Variants in FOXP2 observed in about 807,000 individuals in gnomAD.
The protein encoded by FOXP2 is forkhead box protein P2.
In FOXP2, 12 loss-of-function variants were observed where a neutral mutation model predicts 115.8. The observed-to-expected ratio is 0.10, with a 90% CI of 0.07 to 0.17. The LOEUF (loss-of-function observed/expected upper bound fraction) is 0.17. Among genes scored for constraint, FOXP2 ranks in the 10% least tolerant of loss-of-function variants. The pLI, the probability that FOXP2 is intolerant of heterozygous loss-of-function variation, is 1.00. For missense variants in FOXP2, 629 were observed against 843.5 expected (o/e 0.75, Z 3.15); for synonymous variants, 328 against 297.7 (o/e 1.10, Z -1.05).
At chr7:114,480,255 C>T (rs1796465093) in intron 2 of FOXP2, among the ~76,000 whole-genome samples, 1 of 151,068 alleles carries the variant, frequency 6.6e-6, no homozygotes, top group Non-Finnish European at 1.5e-5. Context: ...TTCTTCTTTC[C>T]CCTGTCCCCC....
chr7:114,203,509 C>A (rs571104204), intron 1 of FOXP2, among the ~76,000 whole-genome samples: 2 of 151,554 alleles, frequency 1.3e-5, no homozygotes, highest in African/African-American at 4.8e-5. Flanking sequence ...ATTTTTTTTT[C>A]TTTTTTTCTA....
chr7:114,638,105 C>T (rs183442217), intron 6 of FOXP2, among the ~76,000 whole-genome samples: 1,948 of 152,004 alleles, frequency 0.013, 33 homozygotes, highest in South Asian at 0.068. Flanking sequence ...TTTAAGAAAA[C>T]GGATAAGGTT....
intron 1 of FOXP2, among the ~76,000 whole-genome samples, chr7:114,185,249 G>C: frequency 6.6e-6 from 1 of 151,736 alleles, no homozygotes. Context: ...TTCAGATCTG[G>C]GCCCTGGATT....
chr7:114,513,686 T>C (rs1479418816), intron 2 of FOXP2, among the ~76,000 whole-genome samples: 2 of 152,150 alleles, frequency 1.3e-5, no homozygotes, highest in African/African-American at 4.8e-5. Flanking sequence ...TTTCAGTATT[T>C]TTCATGTTCT....
chr7:114,298,317 T>G (rs184812112), intron 2 of FOXP2, among the ~76,000 whole-genome samples: 1 of 152,326 alleles, frequency 6.6e-6, no homozygotes, highest in East Asian at 1.9e-4. Context: ...GTCTTTATGC[T>G]TCATTCTCCT....
At chr7:114,116,105 C>T (rs1308596521) in intron 1 of FOXP2, among the ~76,000 whole-genome samples, 2 of 152,078 alleles carry the variant, frequency 1.3e-5, no homozygotes, top group East Asian at 3.9e-4. Flanking sequence ...CAGAGTAGCT[C>T]ATGTAAAACC....
At chr7:114,208,666 G>T (rs907976548) in intron 1 of FOXP2, among the ~76,000 whole-genome samples, 1 of 151,992 alleles carries the variant, frequency 6.6e-6, no homozygotes, top group Non-Finnish European at 1.5e-5. Context: ...GGGACCTGGT[G>T]GGAGGTAATT....
intron 1 of FOXP2, among the ~76,000 whole-genome samples, chr7:114,280,072 TCAGGC>T (rs1796288970): frequency 7.1e-6 from 1 of 140,762 alleles, no homozygotes; most frequent in Admixed American, 7.6e-5. Flanking sequence ...TACCAGACTC[TCAGGC>T]AAATAAATAA....
chr7:114,200,285 A>T (rs1794026165), intron 1 of FOXP2, among the ~76,000 whole-genome samples: 1 of 152,228 alleles, frequency 6.6e-6, no homozygotes, highest in Non-Finnish European at 1.5e-5. Flanking sequence ...AAGAATCCAG[A>T]TCAAGCTGTA....
intron 1 of FOXP2, among the ~76,000 whole-genome samples, chr7:114,222,706 T>A (rs1363013073): frequency 1.3e-5 from 2 of 152,234 alleles, no homozygotes; most frequent in African/African-American, 4.8e-5. Flanking sequence ...TGTTGCTTCA[T>A]GAGCGTATTT....
At chr7:114,183,000 A>G (rs896448258) in intron 1 of FOXP2, among the ~76,000 whole-genome samples, 2 of 152,166 alleles carry the variant, frequency 1.3e-5, no homozygotes, top group Admixed American at 6.6e-5. Flanking sequence ...AGGCTTTTGT[A>G]CAGTTCAAAG....
At chr7:114,295,310 G>C (rs1311995944) in intron 2 of FOXP2, among the ~76,000 whole-genome samples, 1 of 152,056 alleles carries the variant, frequency 6.6e-6, no homozygotes, top group Non-Finnish European at 1.5e-5. Context: ...CATTTTCATG[G>C]CATCTAACAG....
chr7:114,176,501 G>A (rs1627602), intron 1 of FOXP2, among the ~76,000 whole-genome samples: 3,234 of 151,278 alleles, frequency 0.021, 127 homozygotes, highest in African/African-American at 0.072. Flanking sequence ...CACCACGCCC[G>A]GCTAATTTTT....
chr7:114,383,322 A>G (rs1792355278), intron 2 of FOXP2, among the ~76,000 whole-genome samples: 1 of 152,064 alleles, frequency 6.6e-6, no homozygotes, highest in Non-Finnish European at 1.5e-5. Flanking sequence ...TCCTCCTCCC[A>G]CTGCTTGGAA....
chr7:114,260,381 A>C (rs1795719487), intron 1 of FOXP2, among the ~76,000 whole-genome samples: 1 of 152,168 alleles, frequency 6.6e-6, no homozygotes. Context: ...ATGCCAACTG[A>C]AAAATACAAA....
At chr7:114,257,381 C>CA (rs1459745656) in intron 1 of FOXP2, among the ~76,000 whole-genome samples, 1 of 151,668 alleles carries the variant, frequency 6.6e-6, no homozygotes, top group Admixed American at 6.6e-5. Context: ...GACATAGGCA[C>CA]AGGCAAAGAT....
chr7:114,212,514 A>C (rs1301969695), intron 1 of FOXP2, among the ~76,000 whole-genome samples: 1 of 152,110 alleles, frequency 6.6e-6, no homozygotes, highest in Non-Finnish European at 1.5e-5. Flanking sequence ...GTAGCATGAA[A>C]ATCTAGATAT....
At chr7:114,585,888 A>G (rs1474237427) in intron 3 of FOXP2, among the ~76,000 whole-genome samples, 1 of 152,164 alleles carries the variant, frequency 6.6e-6, no homozygotes, top group African/African-American at 2.4e-5. Flanking sequence ...TAGGATCTTT[A>G]TAATTTGCTG....
chr7:114,591,171 T>C (rs1802419315), intron 3 of FOXP2, among the ~76,000 whole-genome samples: 1 of 152,152 alleles, frequency 6.6e-6, no homozygotes, highest in Non-Finnish European at 1.5e-5. Flanking sequence ...ATGTTTACTG[T>C]GTATATGCTG....
Sources: allele counts gnomAD v4.1 joint callset (sites outside exome capture counted in the v4.1 genomes callset), GRCh38; gene constraint gnomAD v4.1.1; transcripts MANE v1.5; gene names NCBI Gene and HGNC (gene_info 2026-07-23, HGNC 2026-07-21).